The following VCF1 variants were observed in gnomAD, a reference collection of about 807,000 sequenced individuals.
The protein encoded by VCF1 is protein VCF1.
the VCF1 span, among the ~76,000 whole-genome samples, chr17:73,231,648 G>A: frequency 6.6e-6 from 1 of 152,162 alleles, no homozygotes; most frequent in Non-Finnish European, 1.5e-5. Context: ...GCGGGGTTAA[G>A]CCCAACCTTT....
the VCF1 span, among the ~76,000 whole-genome samples, chr17:73,217,447 C>T: frequency 6.0e-5 from 9 of 151,008 alleles, no homozygotes; most frequent in Admixed American, 5.9e-4. Context: ...GTCAAGAGAT[C>T]GAGACCATCC....
At chr17:73,208,315 T>C in the VCF1 span, 11 of 1,613,196 alleles carry the variant, frequency 6.8e-6, no homozygotes, top group South Asian at 1.1e-5. Flanking sequence ...CAATGGCAGG[T>C]TGTCCCCCCG....
At chr17:73,208,565 A>C in the VCF1 span, 1 of 1,295,996 alleles carries the variant, frequency 7.7e-7, no homozygotes, top group Admixed American at 1.7e-5. Flanking sequence ...CACTGATGGA[A>C]TGTGGCCCCC....
chr17:73,231,412 C>G, the VCF1 span, among the ~76,000 whole-genome samples: 79,933 of 151,898 alleles, frequency 0.53, 21,120 homozygotes, highest in East Asian at 0.6. Context: ...TTAAGACCCG[C>G]GTCCCGAGGC....
At chr17:73,225,786 CAACTATTACATTA>C in the VCF1 span, among the ~76,000 whole-genome samples, 4,027 of 149,400 alleles carry the variant, frequency 0.027, 70 homozygotes, top group Non-Finnish European at 0.044. Flanking sequence ...CTGAGATTCC[CAACTATTACATTA>C]AACAAAGCTC....
the VCF1 span, among the ~76,000 whole-genome samples, chr17:73,228,844 C>T: frequency 5.3e-5 from 8 of 152,102 alleles, no homozygotes; most frequent in East Asian, 1.9e-4. Context: ...GGAGGCCAGT[C>T]GACACCCAAA....
the VCF1 span, chr17:73,209,235 T>C: frequency 4.1e-6 from 2 of 482,414 alleles, no homozygotes; most frequent in Non-Finnish European, 7.4e-6. Flanking sequence ...GAATGGGACA[T>C]ACTATGGATT....
the VCF1 span, among the ~76,000 whole-genome samples, chr17:73,218,029 C>A: frequency 2.0e-5 from 3 of 152,206 alleles, no homozygotes; most frequent in South Asian, 4.1e-4. Flanking sequence ...CCCAGCTTCC[C>A]CTTACCTCCA....
the VCF1 span, among the ~76,000 whole-genome samples, chr17:73,224,870 G>GACAGA: frequency 2.2e-5 from 1 of 46,488 alleles, no homozygotes; most frequent in Non-Finnish European, 5.2e-5. Flanking sequence ...GACAGCACAG[G>GACAGA]ACAGGACAGC....
chr17:73,230,751 C>T, the VCF1 span, among the ~76,000 whole-genome samples: 6 of 152,172 alleles, frequency 3.9e-5, no homozygotes, highest in Non-Finnish European at 8.8e-5. Flanking sequence ...CCATCATACT[C>T]CATTAAACAC....
the VCF1 span, chr17:73,209,700 G>A: frequency 6.5e-7 from 1 of 1,547,946 alleles, no homozygotes; most frequent in Non-Finnish European, 8.7e-7. Flanking sequence ...CCGGCCCGCT[G>A]GCCCTGTCCG....
chr17:73,227,736 C>A, the VCF1 span: 1 of 832,388 alleles, frequency 1.2e-6, no homozygotes, highest in Non-Finnish European at 1.4e-6. Flanking sequence ...TGGTCACATT[C>A]ACCTGCTTAT....
At chr17:73,219,999 C>A in the VCF1 span, among the ~76,000 whole-genome samples, 230 of 146,442 alleles carry the variant, frequency 1.6e-3, 2 homozygotes, top group African/African-American at 3.9e-3. Flanking sequence ...AAAAAAAAAA[C>A]AAAACTTAAT....
the VCF1 span, chr17:73,232,053 C>T: frequency 6.4e-7 from 1 of 1,555,090 alleles, no homozygotes; most frequent in Non-Finnish European, 8.7e-7. Flanking sequence ...GATCCTCAGG[C>T]GACGAATGGA....
the VCF1 span, among the ~76,000 whole-genome samples, chr17:73,217,136 C>A: frequency 6.6e-6 from 1 of 152,072 alleles, no homozygotes; most frequent in African/African-American, 2.4e-5. Flanking sequence ...TCGAGACCAG[C>A]CTGGCCAACA....
At chr17:73,212,566 G>A in the VCF1 span, 158 of 743,934 alleles carry the variant, frequency 2.1e-4, no homozygotes, top group African/African-American at 2.5e-3. Flanking sequence ...AACAAAAATT[G>A]TATTCTACAA....
chr17:73,232,224 C>G, the VCF1 span: 6 of 1,611,466 alleles, frequency 3.7e-6, no homozygotes, highest in Admixed American at 8.3e-5. Context: ...CGCAGCCGCT[C>G]GGGTGGACGC....
the VCF1 span, chr17:73,209,652 A>G: frequency 6.4e-7 from 1 of 1,554,834 alleles, no homozygotes; most frequent in Non-Finnish European, 8.7e-7. Context: ...GAGGCGTGTT[A>G]GGGCTGGATC....
At chr17:73,213,422 C>A in the VCF1 span, among the ~76,000 whole-genome samples, 3 of 152,196 alleles carry the variant, frequency 2.0e-5, no homozygotes, top group African/African-American at 7.2e-5. Flanking sequence ...ACATCGAAGT[C>A]TTTGGCATCA....
Sources: allele counts gnomAD v4.1 joint callset (sites outside exome capture counted in the v4.1 genomes callset), GRCh38; gene constraint gnomAD v4.1.1; transcripts MANE v1.5; gene names NCBI Gene and HGNC (gene_info 2026-07-23, HGNC 2026-07-21).